R3HCC1L: variants seen among roughly 807,000 people sequenced by gnomAD.
R3HCC1L encodes R3H domain and coiled-coil containing 1 like, also known as coiled-coil domain-containing protein R3HCC1L.
A neutral mutation model predicts 59.9 loss-of-function variants in R3HCC1L; 51 were observed. That is an observed-to-expected ratio of 0.85 (90% CI 0.68 to 1.07). The LOEUF is 1.07. R3HCC1L is among the 50% of genes least tolerant of loss of function. The pLI is 0.00. For synonymous variants in R3HCC1L, 322 were observed against 315.2 expected (o/e 1.02, Z -0.23); for missense variants, 965 against 933.0 (o/e 1.03, Z -0.45).
chr10:98,173,098 C>A (rs747213812), intron 4 of R3HCC1L, among the ~76,000 whole-genome samples: 27 of 152,064 alleles, frequency 1.8e-4, no homozygotes, highest in Non-Finnish European at 3.7e-4. Context: ...TCTCTTATTT[C>A]TTTCTTCTCT....
At chr10:98,168,963 A>G (rs1848227995) in intron 4 of R3HCC1L, among the ~76,000 whole-genome samples, 1 of 152,190 alleles carries the variant, frequency 6.6e-6, no homozygotes, top group African/African-American at 2.4e-5. Context: ...GCGGAATAGA[A>G]GAGAGGGTGT....
At position 98,208,650 on chromosome 10, in the gene R3HCC1L, C is replaced by A; in HGVS notation, c.536C>A (p.Pro179Gln). Residue 179 changes from proline to glutamine, a missense_variant, in exon 5 of 10, where the codon CCA becomes CAA. Physicochemically the swap from Pro to Gln is moderately conservative, Grantham distance 76 (BLOSUM62 -1). Coordinates refer to ENST00000298999, the MANE Select transcript of R3HCC1L (RefSeq NM_001351015.2). ...AGCGAGGCTCAAGTTCCAAGCAAAC[C>A]ATTCCAAAATGTGGAATTCTGTGAC... ...EISEAQVPSK[P>Q]FQNVEFCDFS... 3 of 1,614,114 alleles carry A rather than the reference C, an allele frequency of 1.9e-6. No individual in the cohort carries two copies. In the South Asian group the frequency reaches 3.3e-5, roughly 18 times the overall value.
chr10:98,229,705 T>C (rs1216097173), intron 5 of R3HCC1L, among the ~76,000 whole-genome samples: 1 of 152,204 alleles, frequency 6.6e-6, no homozygotes, highest in Non-Finnish European at 1.5e-5. Context: ...CAGTATGATA[T>C]TGGCTGTGGG....
intron 9 of R3HCC1L, among the ~76,000 whole-genome samples, chr10:98,240,354 AT>A (rs1288070677): frequency 6.6e-6 from 1 of 152,094 alleles, no homozygotes; most frequent in Non-Finnish European, 1.5e-5. Flanking sequence ...TGTATATAAA[AT>A]TTTCCCATGT....
intron 2 of R3HCC1L, among the ~76,000 whole-genome samples, 199 bp from the exon 3 acceptor site, chr10:98,162,684 G>A (rs934856850): frequency 2.0e-5 from 3 of 151,972 alleles, no homozygotes; most frequent in Middle Eastern, 3.4e-3. Context: ...GTGTGTGTGT[G>A]TGTGTGTGTG....
At chr10:98,152,944 G>C (rs1157113396) in intron 1 of R3HCC1L, among the ~76,000 whole-genome samples, 11 of 145,672 alleles carry the variant, frequency 7.6e-5, no homozygotes, top group African/African-American at 2.8e-5. Context: ...CGGGAGAGAG[G>C]TGGGGGGTCA....
intron 1 of R3HCC1L, among the ~76,000 whole-genome samples, chr10:98,138,832 T>C (rs911096316): frequency 1.3e-5 from 2 of 152,126 alleles, no homozygotes; most frequent in Admixed American, 1.3e-4. Flanking sequence ...CTGAATTCAG[T>C]TTCTCATCAT....
rs367864704 is a variant in R3HCC1L at position 98,179,568 on chromosome 10, C to G, written c.-15+16171C>G. On this transcript the variant is annotated intron_variant, in intron 4 of 9. Transcript: ENST00000298999. ...GCCAGGCTTTGGTATCAGGATGATG[C>G]TGGCCTCATAAAATGAGTTAGGGAG... Among the ~76,000 whole-genome samples the G allele has an allele frequency of 1.3e-4, 20 of 152,224 alleles. No individual in the cohort carries two copies. The East Asian group carries it at 1.7e-3, about 13-fold the overall frequency.
At chr10:98,210,264 T>C (rs1357917363) in intron 5 of R3HCC1L, among the ~76,000 whole-genome samples, 1 of 152,160 alleles carries the variant, frequency 6.6e-6, no homozygotes, top group African/African-American at 2.4e-5. Context: ...CTATTGTTAT[T>C]TATATTTTAT....
intron 5 of R3HCC1L, among the ~76,000 whole-genome samples, chr10:98,228,208 A>C (rs1035504097): frequency 1.3e-5 from 2 of 152,172 alleles, no homozygotes; most frequent in Non-Finnish European, 2.9e-5. Context: ...AACAGTGTAA[A>C]AGTGTTCCTG....
intron 5 of R3HCC1L, among the ~76,000 whole-genome samples, chr10:98,212,688 T>A (rs1853721088): frequency 6.6e-6 from 1 of 152,166 alleles, no homozygotes; most frequent in South Asian, 2.1e-4. Context: ...TTATTTTTCA[T>A]TAGAAAATAC....
At chr10:98,217,412 C>T (rs1436014071) in intron 5 of R3HCC1L, among the ~76,000 whole-genome samples, 2 of 152,150 alleles carry the variant, frequency 1.3e-5, no homozygotes, top group African/African-American at 4.8e-5. Flanking sequence ...GTTTTGGTTA[C>T]TACAGCTTTA....
In R3HCC1L at chr10:98,198,026, T is replaced by G. The variant is rs576037730; in HGVS notation, c.-14-10075T>G. Among the ~76,000 whole-genome samples the G allele has an allele frequency of 3.5e-4, 53 of 152,278 alleles. 1 individual carries two copies. Among genetic ancestry groups the G allele is most frequent in the African/African-American group, 1.3e-3 (53 of 41,572 alleles). On this transcript the variant is annotated intron_variant, in intron 4 of 9. Coordinates refer to ENST00000298999, the MANE Select transcript of R3HCC1L (RefSeq NM_001351015.2). ...GAACTGGGAAATGAAGAGGAGAATC[T>G]GATTGGTCTTTTAGAAAGTCACTGG... is the stretch of plus-strand genomic sequence containing the variant.
intron 4 of R3HCC1L, among the ~76,000 whole-genome samples, chr10:98,181,366 T>C (rs1481618541): frequency 6.6e-6 from 1 of 152,252 alleles, no homozygotes; most frequent in Non-Finnish European, 1.5e-5. Flanking sequence ...TCTTCTGGCT[T>C]GTAGATTTTC....
intron 4 of R3HCC1L, among the ~76,000 whole-genome samples, chr10:98,177,853 A>C (rs980869347): frequency 3.2e-4 from 48 of 152,184 alleles, no homozygotes; most frequent in African/African-American, 1.2e-3. Context: ...CTGTTCATAT[A>C]ATTTGCCCAC....
chr10:98,201,071 G>A (rs1291483846), intron 4 of R3HCC1L, among the ~76,000 whole-genome samples: 1 of 152,116 alleles, frequency 6.6e-6, no homozygotes, highest in Non-Finnish European at 1.5e-5. Flanking sequence ...CAAATGAACA[G>A]CTAGGCATTT....
At chr10:98,235,890 C>T (rs778266012) in intron 8 of R3HCC1L, 134 bp from the exon 9 acceptor site, 17 of 1,033,440 alleles carry the variant, frequency 1.6e-5, no homozygotes, top group Non-Finnish European at 1.9e-5. Flanking sequence ...CATCATCTAT[C>T]AGACTTGTAT....
At chr10:98,167,436 G>A (rs1848065454) in intron 4 of R3HCC1L, among the ~76,000 whole-genome samples, 1 of 152,214 alleles carries the variant, frequency 6.6e-6, no homozygotes, top group Non-Finnish European at 1.5e-5. Context: ...ATACGGAGCT[G>A]TAGCTATTTC....
intron 4 of R3HCC1L, among the ~76,000 whole-genome samples, chr10:98,205,896 C>G (rs1369799385): frequency 6.6e-6 from 1 of 152,096 alleles, no homozygotes; most frequent in Non-Finnish European, 1.5e-5. Flanking sequence ...TATCTAAATT[C>G]TGCTAGAGAC....
Sources: allele counts gnomAD v4.1 joint callset (sites outside exome capture counted in the v4.1 genomes callset), GRCh38; gene constraint gnomAD v4.1.1; transcripts MANE v1.5; gene names NCBI Gene and HGNC (gene_info 2026-07-23, HGNC 2026-07-21).